Variants in DNM3 observed in about 807,000 individuals in gnomAD.
DNM3 encodes the protein dynamin 3.
DNM3 carries 47 observed loss-of-function variants against 101.6 expected under a neutral mutation model. The observed-to-expected ratio is 0.46, with a 90% CI of 0.37 to 0.59. The LOEUF is 0.59. Among genes scored for constraint, DNM3 ranks in the 20% least tolerant of loss-of-function variants. The probability of loss-of-function intolerance (pLI) is 0.00; values close to 1 mark genes in which losing one functional copy is unlikely to be tolerated. For missense variants in DNM3, 849 were observed against 1,085.7 expected, an observed-to-expected ratio of 0.78 and a Z score of 3.06; for synonymous variants, 385 against 387.9, an observed-to-expected ratio of 0.99 and a Z score of 0.09.
At chr1:172,141,071 A>G (rs1052902191) in intron 14 of DNM3, among the ~76,000 whole-genome samples, 1 of 151,724 alleles carries the variant, frequency 6.6e-6, no homozygotes, top group Non-Finnish European at 1.5e-5. Flanking sequence ...TAAGAAAAGA[A>G]TTGTCTTCTA....
intron 10 of DNM3, among the ~76,000 whole-genome samples, chr1:172,056,081 G>A (rs930693730): frequency 5.3e-5 from 8 of 152,170 alleles, no homozygotes; most frequent in Non-Finnish European, 1.0e-4. Flanking sequence ...AAGGGGTGAC[G>A]GACGGCACCT....
intron 4 of DNM3, among the ~76,000 whole-genome samples, chr1:172,006,351 G>T (rs2046688922): frequency 6.6e-6 from 1 of 152,020 alleles, no homozygotes; most frequent in Non-Finnish European, 1.5e-5. Context: ...AGAAATGGGG[G>T]ATTGTGACCT....
intron 4 of DNM3, among the ~76,000 whole-genome samples, chr1:172,001,338 T>C (rs977460532): frequency 3.9e-5 from 6 of 152,020 alleles, no homozygotes; most frequent in Non-Finnish European, 7.4e-5. Flanking sequence ...GCTTGTTTTA[T>C]AGATATTGCT....
chr1:172,162,290 T>C (rs182396193), intron 14 of DNM3, among the ~76,000 whole-genome samples: 1 of 151,846 alleles, frequency 6.6e-6, no homozygotes, highest in African/African-American at 2.4e-5. Flanking sequence ...TTTTGCTTGA[T>C]TATCAGCTTT....
intron 1 of DNM3, among the ~76,000 whole-genome samples, chr1:171,853,069 T>G (rs2033164066): frequency 2.0e-5 from 3 of 152,188 alleles, no homozygotes; most frequent in African/African-American, 7.2e-5. Flanking sequence ...TCATTATGCC[T>G]GTCATTGTAT....
intron 14 of DNM3, among the ~76,000 whole-genome samples, chr1:172,232,774 G>T: frequency 6.6e-6 from 1 of 152,210 alleles, no homozygotes; most frequent in African/African-American, 2.4e-5. Context: ...TGAACAACCT[G>T]CTCCTGAATG....
intron 1 of DNM3, among the ~76,000 whole-genome samples, chr1:171,867,652 G>T (rs2034886510): frequency 6.6e-6 from 1 of 152,032 alleles, no homozygotes; most frequent in Non-Finnish European, 1.5e-5. Flanking sequence ...ATCTCTTTGT[G>T]GAATAATGTT....
chr1:172,019,892 G>A (rs1053591330), intron 4 of DNM3, among the ~76,000 whole-genome samples: 1 of 151,438 alleles, frequency 6.6e-6, no homozygotes, highest in African/African-American at 2.4e-5. Context: ...TTATCTACTA[G>A]AACTCTTAGG....
intron 14 of DNM3, among the ~76,000 whole-genome samples, chr1:172,237,112 C>G (rs2061572880): frequency 6.6e-6 from 1 of 152,128 alleles, no homozygotes; most frequent in African/African-American, 2.4e-5. Context: ...AACATAGGTT[C>G]AATTACATAT....
chr1:171,982,792 A>T (rs1265288612), intron 2 of DNM3, among the ~76,000 whole-genome samples: 1 of 152,184 alleles, frequency 6.6e-6, no homozygotes, highest in East Asian at 1.9e-4. Flanking sequence ...TAAACCACAT[A>T]GTTAACCAGT....
intron 20 of DNM3, among the ~76,000 whole-genome samples, chr1:172,418,001 G>A (rs1245595464): frequency 1.3e-5 from 2 of 152,282 alleles, no homozygotes; most frequent in African/African-American, 4.8e-5. Flanking sequence ...TCATTCCATG[G>A]TGCAAAATAA....
chr1:172,008,698 G>A (rs1212345533), intron 4 of DNM3, among the ~76,000 whole-genome samples: 1 of 147,918 alleles, frequency 6.8e-6, no homozygotes, highest in East Asian at 2.0e-4. Context: ...CTTTCTCCAT[G>A]GAATTACATG....
chr1:172,108,206 G>T (rs1353516398), intron 13 of DNM3, among the ~76,000 whole-genome samples: 1 of 151,478 alleles, frequency 6.6e-6, no homozygotes, highest in African/African-American at 2.4e-5. Context: ...TCTAATCTTA[G>T]GGTCTCAGAT....
At chr1:171,938,101 G>T (rs895267311) in intron 2 of DNM3, among the ~76,000 whole-genome samples, 2 of 150,836 alleles carry the variant, frequency 1.3e-5, no homozygotes, top group African/African-American at 4.9e-5. Flanking sequence ...CATGGCATCT[G>T]TATAGAAGTC....
chr1:172,372,516 A>C (rs1398607706), intron 17 of DNM3, among the ~76,000 whole-genome samples: 1 of 151,786 alleles, frequency 6.6e-6, no homozygotes, highest in African/African-American at 2.4e-5. Context: ...GAACCCTCTA[A>C]AACTATGTGT....
chr1:172,240,957 T>C (rs924671781), intron 14 of DNM3, among the ~76,000 whole-genome samples: 8 of 151,424 alleles, frequency 5.3e-5, no homozygotes, highest in Non-Finnish European at 8.8e-5. Flanking sequence ...ATTTTTCCCT[T>C]CCTAGTAACT....
In DNM3 at chr1:172,383,435, G is replaced by T. The variant is rs561335322; in HGVS notation, c.2059-3698G>T. Reference sequence around the variant, plus strand: ...TGTGAGAGAATTGTGAGATCTCAAAGATCACAAAATTCTAACCAAGCCCCC... The same window carrying T: ...TGTGAGAGAATTGTGAGATCTCAAATATCACAAAATTCTAACCAAGCCCCC... On this transcript the variant is annotated intron_variant, in intron 18 of 20. Transcript: ENST00000627582. Among the ~76,000 whole-genome samples, 7 of 152,158 alleles carry T rather than the reference G, an allele frequency of 4.6e-5. No homozygotes were observed. In the South Asian group the frequency reaches 1.5e-3, roughly 32 times the overall value.
intron 2 of DNM3, among the ~76,000 whole-genome samples, chr1:171,984,096 T>C (rs1400698215): frequency 6.6e-6 from 1 of 152,196 alleles, no homozygotes; most frequent in East Asian, 1.9e-4. Context: ...TGCTTTTTCT[T>C]TCAAAATACA....
At chr1:172,168,303 C>T (rs2058827182) in intron 14 of DNM3, among the ~76,000 whole-genome samples, 1 of 151,878 alleles carries the variant, frequency 6.6e-6, no homozygotes, top group South Asian at 2.1e-4. Context: ...CAAGAAAGCA[C>T]ACCTGCCATT....
Sources: allele counts gnomAD v4.1 joint callset (sites outside exome capture counted in the v4.1 genomes callset), GRCh38; gene constraint gnomAD v4.1.1; transcripts MANE v1.5; gene names NCBI Gene and HGNC (gene_info 2026-07-23, HGNC 2026-07-21).